SCUBE2: variants seen among roughly 807,000 people sequenced by gnomAD.
The protein encoded by SCUBE2 is signal peptide, CUB domain and EGF like domain containing 2, also known as signal peptide, CUB and EGF-like domain-containing protein 2.
In SCUBE2, 114 loss-of-function variants were observed where a neutral mutation model predicts 125.9. The ratio of observed to expected loss-of-function variants is 0.91; its 90% CI spans 0.78 to 1.06. The LOEUF (loss-of-function observed/expected upper bound fraction) is 1.06, where lower values mean the gene tolerates loss of function less well. SCUBE2 is among the 50% of genes least tolerant of loss of function. The pLI is 0.00. For synonymous variants in SCUBE2, 459 were observed against 492.9 expected (o/e 0.93, Z 0.91); for missense variants, 1,255 against 1,301.8 (o/e 0.96, Z 0.55).
chr11:9,026,005 C>T (rs1293743715), intron 20 of SCUBE2, 151 bp from the exon 21 acceptor site: 11 of 763,122 alleles, frequency 1.4e-5, no homozygotes, highest in Non-Finnish European at 2.2e-5. Context: ...GTCAAAGGTC[C>T]TGGAAACAGA....
At position 9,091,326 on chromosome 11, in the gene SCUBE2, G is replaced by A. The variant is rs924763603; in HGVS notation, c.133+70C>T. ...CCCCGCGCGCCCGGCTCTGGACTCC[G>A]CCGGGGACCTAAACACTCTTCCTGG... On this transcript the variant is annotated intron_variant, in intron 1 of 22. Transcript: ENST00000649792. The surrounding 1 kb of genome is among the most constrained non-coding windows in gnomAD (Gnocchi z 8.5). 265 of 1,135,762 alleles carry A rather than the reference G, an allele frequency of 2.3e-4. No homozygotes were observed. The highest frequency in any genetic ancestry group is 2.8e-4 in the Non-Finnish European group (255 of 901,050). 70.4% of individuals were successfully genotyped at this position (1,135,762 alleles called of 1,614,324 possible).
chr11:9,022,114 A>C (rs1589979593), intron 21 of SCUBE2, 159 bp from the exon 22 acceptor site: 4 of 578,386 alleles, frequency 6.9e-6, no homozygotes, highest in African/African-American at 1.9e-5. Context: ...ACTTCCACAG[A>C]CTCCCACCAC....
At position 9,074,496 on chromosome 11, in the gene SCUBE2, T is replaced by C; in HGVS notation, c.502A>G (p.Ile168Val). The change falls in exon 4 of 23, where the codon ATT becomes GTT. Residue 168 changes from isoleucine (I) to valine (V), a missense_variant. By Grantham distance (29) the Ile-to-Val change is conservative. Coordinates refer to ENST00000649792, the MANE Select transcript of SCUBE2 (RefSeq NM_001367977.2). The part of the protein sequence containing the change: ...FFLSDNQHTC[I>V]HRSEEGLSCM... The stretch of plus-strand genomic sequence containing the variant: ...GCAGAGGTACCTTCCGAGCGGTGAA[T>C]GCAGGTGTGCTGATTGTCACTCAGG... The C allele has an allele frequency of 6.2e-7, 1 of 1,614,152 alleles. No homozygotes were observed. The highest frequency in any genetic ancestry group is 8.5e-7 in the Non-Finnish European group (1 of 1,180,010).
intron 2 of SCUBE2, among the ~76,000 whole-genome samples, chr11:9,087,348 T>C (rs1007715954): frequency 3.3e-5 from 5 of 152,214 alleles, no homozygotes; most frequent in African/African-American, 1.2e-4. Context: ...ACGTGAGTTA[T>C]CCACATAGTA....
chr11:9,030,845 CT>C lies in SCUBE2; in HGVS notation c.2253del (p.Ala752LeufsTer79). The C allele has an allele frequency of 6.2e-7, 1 of 1,614,230 alleles. No homozygotes were observed. The highest frequency in any genetic ancestry group is 8.5e-7 in the Non-Finnish European group (1 of 1,180,032). The part of the protein sequence containing the change: ...QLCALGTFQP[E>X]AGRTSCFPCG... Reference sequence around the variant, plus strand: ...CAGGGGAAGCAGGAAGTTCGACCAGCTTCAGGCTGGAACGTGCCCAGGGCAC... The same window carrying C: ...CAGGGGAAGCAGGAAGTTCGACCAGCTCAGGCTGGAACGTGCCCAGGGCAC... On this transcript the variant is annotated frameshift_variant, in exon 18 of 23. Coordinates refer to ENST00000649792, the MANE Select transcript of SCUBE2 (RefSeq NM_001367977.2). LOFTEE classifies it high-confidence loss of function.
At chr11:9,083,704 T>C (rs922742624) in intron 2 of SCUBE2, among the ~76,000 whole-genome samples, 1 of 151,770 alleles carries the variant, frequency 6.6e-6, no homozygotes, top group Non-Finnish European at 1.5e-5. Context: ...ACAGGCGTGC[T>C]GTAATTTTTG....
chr11:9,059,649 T>G, intron 8 of SCUBE2: 1 of 549,282 alleles, frequency 1.8e-6, no homozygotes, highest in East Asian at 3.0e-5. Flanking sequence ...AACGCTGACT[T>G]ATGATGCCCT....
intron 10 of SCUBE2, among the ~76,000 whole-genome samples, chr11:9,055,417 G>GC (rs1272050177): frequency 6.6e-6 from 1 of 152,134 alleles, no homozygotes; most frequent in Non-Finnish European, 1.5e-5. Flanking sequence ...ATTGGTGGGT[G>GC]CCCCCCAAGC....
chr11:9,042,849 T>G (rs539933750), intron 16 of SCUBE2, among the ~76,000 whole-genome samples: 14 of 152,326 alleles, frequency 9.2e-5, no homozygotes, highest in Admixed American at 2.0e-4. Flanking sequence ...TTTTCCCTCT[T>G]AAATATTTCT....
At chr11:9,030,545 C>T (rs1320628180) in intron 18 of SCUBE2, among the ~76,000 whole-genome samples, 2 of 152,172 alleles carry the variant, frequency 1.3e-5, no homozygotes, top group African/African-American at 4.8e-5. Context: ...CCCTTGTCAG[C>T]CTGTCCAAAG....
In SCUBE2 at chr11:9,055,837, G is replaced by A. The variant is rs748786100; in HGVS notation, c.1163C>T (p.Ala388Val). ...ATACAGGGTGTACCCTCGGTTGCAA[G>A]CACAAGCAAATGTGCCAGGGTGGTT... ...CINHPGTFAC[A>V]CNRGYTLYGF... The change falls in exon 10 of 23, where the codon GCT becomes GTT. Residue 388 changes from alanine (A) to valine (V), a missense_variant. This residue lies in a region of SCUBE2 where 378 missense variants were observed against 463.1 expected (regional missense o/e 0.82). Transcript: ENST00000649792. 6.2e-7 allele frequency: 1 copy of A among 1,614,176 alleles called. No homozygotes were observed. The highest frequency in any genetic ancestry group is 1.1e-5 in the South Asian group (1 of 91,080).
rs375344065 is a variant in SCUBE2 at position 9,074,468 on chromosome 11, T to G, written c.517+13A>C. The G allele has an allele frequency of 2.6e-5, 42 of 1,614,012 alleles. No homozygotes were observed. In the Admixed American group the frequency reaches 7.0e-4, roughly 27 times the overall value. ...ATGTGGCTCTGCCCCCATCCACAGC[T>G]GGGCAGAGGTACCTTCCGAGCGGTG... On this transcript the variant is annotated intron_variant, in intron 4 of 22. Transcript: ENST00000649792.
At chr11:9,045,606 GACAGACACACACACACACACACACACAC>G (rs1472231788) in intron 16 of SCUBE2, among the ~76,000 whole-genome samples, 8 of 115,162 alleles carry the variant, frequency 6.9e-5, no homozygotes, top group African/African-American at 2.5e-4. Context: ...AAGACAGACA[GACAGACACACACACACACACACACACAC>G]ACACACACAC....
chr11:9,070,648 G>C (rs1047963837), intron 4 of SCUBE2, among the ~76,000 whole-genome samples: 5 of 152,136 alleles, frequency 3.3e-5, no homozygotes, highest in African/African-American at 1.2e-4. Context: ...CACTTCTCTA[G>C]AATCCAACAC....
intron 16 of SCUBE2, among the ~76,000 whole-genome samples, chr11:9,044,465 G>A (rs943701937): frequency 6.6e-6 from 1 of 152,034 alleles, no homozygotes; most frequent in African/African-American, 2.4e-5. Flanking sequence ...CTCCTGGCCT[G>A]AAGTGATCCT....
chr11:9,058,340 G>A lies in SCUBE2; in HGVS notation c.1090+963C>T, dbSNP rs552531331. ...TGGCCAGGCGCAGTGGCTCACACCT[G>A]TAATCTCAGCACTTTGGGAGGCCGA... On this transcript the variant is annotated intron_variant, in intron 9 of 22. Transcript: ENST00000649792. 3.3e-5 allele frequency among the ~76,000 whole-genome samples: 5 copies of A among 152,206 alleles called. No homozygotes were observed. In the East Asian group the frequency reaches 9.7e-4, roughly 29 times the overall value.
At position 9,030,462 on chromosome 11, in the gene SCUBE2, C is replaced by T. The variant is rs191270444; in HGVS notation, c.2341+296G>A. The stretch of plus-strand genomic sequence containing the variant: ...TGGGGGGAAGCTCTAGGTCAGGGCA[C>T]TGAGATGGAGGAGGGCTAGAGGAAG... On this transcript the variant is annotated intron_variant, in intron 18 of 22. Transcript: ENST00000649792. 2.0e-3 allele frequency: 870 copies of T among 433,134 alleles called. 4 individuals carry two copies. Among genetic ancestry groups the T allele is most frequent in the Non-Finnish European group, 3.1e-3 (739 of 239,240 alleles). The allele number at this position is 433,134 out of a possible 1,614,324, so 26.8% of individuals were successfully genotyped here.
intron 14 of SCUBE2, among the ~76,000 whole-genome samples, chr11:9,048,962 A>G (rs999439788): frequency 1.4e-4 from 21 of 152,192 alleles, no homozygotes; most frequent in Non-Finnish European, 4.4e-5. Context: ...TTTTTCCCCT[A>G]AAGATTTATC....
chr11:9,057,338 A>G (rs1161059730), intron 9 of SCUBE2: 2 of 152,226 alleles, frequency 1.3e-5, no homozygotes, highest in African/African-American at 2.4e-5. Flanking sequence ...ATAATTATCT[A>G]GAATTAACTT....
Sources: allele counts gnomAD v4.1 joint callset (sites outside exome capture counted in the v4.1 genomes callset), GRCh38; gene constraint gnomAD v4.1.1; regional missense constraint gnomAD v4.1.1; non-coding constraint Gnocchi (gnomAD v3.1); transcripts MANE v1.5; gene names NCBI Gene and HGNC (gene_info 2026-07-23, HGNC 2026-07-21).